CA8: variants seen among roughly 807,000 people sequenced by gnomAD.
The protein encoded by CA8 is carbonic anhydrase 8 (inactive), also known as carbonic anhydrase-related protein.
Under a neutral mutation model 41.4 loss-of-function variants are expected in CA8, and 22 were observed. That is an observed-to-expected ratio of 0.53 (90% CI 0.38 to 0.76). The LOEUF is 0.76. Among genes scored for constraint, CA8 ranks in the 30% least tolerant of loss-of-function variants. CA8 has a pLI of 0.00. For synonymous variants in CA8, 121 were observed against 130.6 expected (o/e 0.93, Z 0.50); for missense variants, 270 against 352.8 (o/e 0.77, Z 1.88).
chr8:60,224,702 T>A, intron 5 of CA8, 117 bp from the exon 6 acceptor site: 3 of 689,690 alleles, frequency 4.3e-6, no homozygotes, highest in Non-Finnish European at 5.2e-6. Flanking sequence ...CCTCATCAGG[T>A]CCCACAGACT....
At chr8:60,271,869 T>C (rs1378141449) in intron 2 of CA8, among the ~76,000 whole-genome samples, 1 of 151,618 alleles carries the variant, frequency 6.6e-6, no homozygotes, top group Non-Finnish European at 1.5e-5. Context: ...AGATGTTTAA[T>C]TTTAATTTGC....
chr8:60,273,639 G>C (rs1428269150), intron 2 of CA8, among the ~76,000 whole-genome samples: 1 of 152,252 alleles, frequency 6.6e-6, no homozygotes, highest in Non-Finnish European at 1.5e-5. Flanking sequence ...CACCAGCAGA[G>C]AAAAGGCAGT....
chr8:60,224,675 A>C, intron 5 of CA8, 90 bp from the exon 6 acceptor site: 1 of 835,148 alleles, frequency 1.2e-6, no homozygotes, highest in South Asian at 1.4e-5. Flanking sequence ...AATTAGAATG[A>C]AGTCTTTTCT....
At chr8:60,204,303 A>C (rs545669273) in intron 8 of CA8, among the ~76,000 whole-genome samples, 82 of 152,342 alleles carry the variant, frequency 5.4e-4, no homozygotes, top group Non-Finnish European at 1.1e-3. Flanking sequence ...AAAATCATGA[A>C]ATCTACTGTA....
At chr8:60,210,883 T>C (rs1806812300) in intron 7 of CA8, among the ~76,000 whole-genome samples, 1 of 152,208 alleles carries the variant, frequency 6.6e-6, no homozygotes, top group African/African-American at 2.4e-5. Context: ...GCTTGTTGCA[T>C]CTGAAAAACT....
intron 7 of CA8, among the ~76,000 whole-genome samples, chr8:60,216,956 T>A (rs1807041952): frequency 1.3e-5 from 2 of 152,208 alleles, no homozygotes; most frequent in African/African-American, 4.8e-5. Flanking sequence ...CAGTCTCGGT[T>A]CACTGCAACT....
intron 3 of CA8, among the ~76,000 whole-genome samples, chr8:60,250,166 T>G (rs1808396712): frequency 6.6e-6 from 1 of 152,330 alleles, no homozygotes; most frequent in Middle Eastern, 3.4e-3. Context: ...TTATATTAAC[T>G]CATTTACTTA....
At position 60,279,897 on chromosome 8, in the gene CA8, A is replaced by G. The variant is rs1306732824; in HGVS notation, c.101-17T>C. 2.5e-6 allele frequency: 4 copies of G among 1,585,100 alleles called. No homozygotes were observed. Among genetic ancestry groups the G allele is most frequent in the Admixed American group, 1.8e-5 (1 of 57,122 alleles). On this transcript the variant is annotated splice_polypyrimidine_tract_variant and intron_variant, in intron 1 of 8. Coordinates refer to ENST00000317995, the MANE Select transcript of CA8 (RefSeq NM_004056.6). ...ACTCAACACCTAAGAACAAAATGAA[A>G]TAAATTAAAAACAGGTTAAAAAATA...
At chr8:60,252,884 T>C (rs1808500021) in intron 3 of CA8, among the ~76,000 whole-genome samples, 1 of 152,026 alleles carries the variant, frequency 6.6e-6, no homozygotes. Flanking sequence ...GCATTCCAGA[T>C]AGGGCTACTC....
At chr8:60,255,321 A>C (rs1808594783) in intron 3 of CA8, among the ~76,000 whole-genome samples, 2 of 134,554 alleles carry the variant, frequency 1.5e-5, no homozygotes, top group Admixed American at 9.1e-5. Flanking sequence ...CTATGTCTCC[A>C]GTATCGTTCT....
intron 3 of CA8, among the ~76,000 whole-genome samples, chr8:60,242,024 C>A (rs1585894085): frequency 1.3e-5 from 2 of 152,110 alleles, no homozygotes; most frequent in South Asian, 4.2e-4. Context: ...TATTGAGCAC[C>A]GACAGTATCT....
chr8:60,226,387 A>C (rs980082229), intron 5 of CA8, among the ~76,000 whole-genome samples: 11 of 152,176 alleles, frequency 7.2e-5, no homozygotes, highest in Non-Finnish European at 1.6e-4. Flanking sequence ...TGAGGCCTTG[A>C]GACATACTGT....
Position 60,222,768 on chromosome 8 carries a change from A to C in CA8, c.626-7T>G. 2.6e-6 allele frequency: 4 copies of C among 1,556,766 alleles called. No individual in the cohort carries two copies. The highest frequency in any genetic ancestry group is 3.5e-6 in the Non-Finnish European group (4 of 1,127,636). On this transcript the variant is annotated splice_polypyrimidine_tract_variant and splice_region_variant and intron_variant, in intron 6 of 8. Transcript: ENST00000317995. ...TAATCCCGCAGCAGAGGGTCTGCACAGCCACGTGGACATGTAATGGAAAAG... is the reference window on the plus strand; with the variant it reads ...TAATCCCGCAGCAGAGGGTCTGCACCGCCACGTGGACATGTAATGGAAAAG...
chr8:60,253,779 C>G (rs898353858), intron 3 of CA8, among the ~76,000 whole-genome samples: 2 of 152,172 alleles, frequency 1.3e-5, no homozygotes, highest in African/African-American at 4.8e-5. Flanking sequence ...GCCTTGTTTA[C>G]CCAGCGAACT....
At chr8:60,253,928 A>C (rs1808534076) in intron 3 of CA8, among the ~76,000 whole-genome samples, 1 of 152,176 alleles carries the variant, frequency 6.6e-6, no homozygotes, top group Non-Finnish European at 1.5e-5. Context: ...TAGTAGCCAC[A>C]GTAGCTTTTG....
In CA8 at chr8:60,185,701, A is replaced by G. The variant is rs1435977291; in HGVS notation, c.*4320T>C. On this transcript the variant is annotated 3_prime_UTR_variant, in exon 9 of 9. Transcript: ENST00000317995. ...TTTCACCAGGAGTTTTATATTTAGC[A>G]AAACTATCTCAAAGAAGGTAAAATA... 6.6e-6 allele frequency among the ~76,000 whole-genome samples: 1 copy of G among 152,204 alleles called. No individual in the cohort carries two copies. The highest frequency in any genetic ancestry group is 2.4e-5 in the African/African-American group (1 of 41,462).
At chr8:60,270,355 C>T (rs1804030463) in intron 2 of CA8, among the ~76,000 whole-genome samples, 1 of 152,188 alleles carries the variant, frequency 6.6e-6, no homozygotes, top group Non-Finnish European at 1.5e-5. Flanking sequence ...GTCCCTGGTA[C>T]ACCACCCGAA....
At chr8:60,191,093 T>C (rs1056657362) in intron 8 of CA8, among the ~76,000 whole-genome samples, 1 of 151,678 alleles carries the variant, frequency 6.6e-6, no homozygotes, top group African/African-American at 2.4e-5. Context: ...TTTTTCCTGC[T>C]CCCACTCTAC....
chr8:60,252,671 C>A (rs990653224), intron 3 of CA8, among the ~76,000 whole-genome samples: 1 of 152,138 alleles, frequency 6.6e-6, no homozygotes, highest in Non-Finnish European at 1.5e-5. Flanking sequence ...GGTTGAGCAT[C>A]CCAAATCCAA....
Sources: allele counts gnomAD v4.1 joint callset (sites outside exome capture counted in the v4.1 genomes callset), GRCh38; gene constraint gnomAD v4.1.1; transcripts MANE v1.5; gene names NCBI Gene and HGNC (gene_info 2026-07-23, HGNC 2026-07-21).